The following CD8B variants were observed in gnomAD, a reference collection of about 807,000 sequenced individuals.
CD8B encodes CD8 subunit beta.
Under a neutral mutation model 24.2 loss-of-function variants are expected in CD8B, and 6 were observed. That is an observed-to-expected ratio of 0.25 (90% CI 0.14 to 0.49). The LOEUF (loss-of-function observed/expected upper bound fraction) is 0.49, where lower values mean the gene tolerates loss of function less well. CD8B is among the 20% of genes least tolerant of loss of function. The pLI is 0.98. For synonymous variants in CD8B, 84 were observed against 108.3 expected (o/e 0.78, Z 1.39); for missense variants, 196 against 271.3 (o/e 0.72, Z 1.95).
intron 4 of CD8B, among the ~76,000 whole-genome samples, chr2:86,845,686 T>C (rs1267170359): frequency 6.6e-6 from 1 of 152,352 alleles, no homozygotes; most frequent in African/African-American, 2.4e-5. Flanking sequence ...ATTAGCTGTA[T>C]TCGCTTATTT....
chr2:86,844,807 C>T (rs970338870), intron 5 of CD8B, 115 bp downstream of exon 5: 140 of 1,544,128 alleles, frequency 9.1e-5, no homozygotes, highest in Non-Finnish European at 1.1e-4. Context: ...TATGCCCGGC[C>T]GAGTCTATGA....
At chr2:86,818,543 T>G (rs1412039570) in intron 5 of CD8B, among the ~76,000 whole-genome samples, 3 of 152,192 alleles carry the variant, frequency 2.0e-5, no homozygotes, top group Non-Finnish European at 4.4e-5. Flanking sequence ...AATCAGTTAT[T>G]TTTGATGTTA....
intron 1 of CD8B, among the ~76,000 whole-genome samples, chr2:86,860,111 A>C (rs1676491903): frequency 6.6e-6 from 1 of 152,148 alleles, no homozygotes; most frequent in African/African-American, 2.4e-5. Flanking sequence ...CTCTACTAAG[A>C]ATACAAAAAT....
downstream of CD8B, among the ~76,000 whole-genome samples, chr2:86,835,571 C>T (rs886467202): frequency 1.5e-4 from 23 of 151,534 alleles, no homozygotes; most frequent in Non-Finnish European, 2.8e-4. Flanking sequence ...TCTGGTCTTG[C>T]CCAGACAGCA....
At chr2:86,823,540 A>C (rs1203576348) in intron 5 of CD8B, among the ~76,000 whole-genome samples, 1 of 152,150 alleles carries the variant, frequency 6.6e-6, no homozygotes, top group Non-Finnish European at 1.5e-5. Flanking sequence ...TCAGCCTTTC[A>C]AAGTGCTGAG....
In CD8B at chr2:86,853,132, C is replaced by T. The variant is rs769417389; in HGVS notation, c.404-46G>A. On this transcript the variant is annotated intron_variant, in intron 2 of 5. Coordinates refer to ENST00000390655, the MANE Select transcript of CD8B (RefSeq NM_004931.5). Reference sequence around the variant, plus strand: ...ACATATCTTAGCCAAGTGAACACCACGTGGACTCAAAGACAAAACTTTGTC... The same window carrying T: ...ACATATCTTAGCCAAGTGAACACCATGTGGACTCAAAGACAAAACTTTGTC... The T allele has an allele frequency of 8.8e-5, 136 of 1,547,928 alleles. No homozygotes were observed. In the South Asian group the frequency reaches 1.3e-3, roughly 14 times the overall value.
intron 5 of CD8B, among the ~76,000 whole-genome samples, chr2:86,818,460 C>T (rs1013664623): frequency 6.6e-6 from 1 of 152,156 alleles, no homozygotes; most frequent in Non-Finnish European, 1.5e-5. Context: ...CTTTGTGCCT[C>T]TGGATCACCT....
rs1307084864 is a variant in CD8B, at chr2:86,839,962, T to C, written c.*2345A>G. On this transcript the variant is annotated 3_prime_UTR_variant, in exon 6 of 6. Coordinates refer to ENST00000390655, the MANE Select transcript of CD8B (RefSeq NM_004931.5). ...ATTCTTTCACCCCTCCCCTCAGCCTTGGAAGGCAGCCTGTCCCTTGTCCTC... is the reference window on the plus strand; with the variant it reads ...ATTCTTTCACCCCTCCCCTCAGCCTCGGAAGGCAGCCTGTCCCTTGTCCTC... Among the ~76,000 whole-genome samples, 3 of 152,200 alleles carry C rather than the reference T, an allele frequency of 2.0e-5. No homozygotes were observed. Among genetic ancestry groups the C allele is most frequent in the Non-Finnish European group, 4.4e-5 (3 of 68,020 alleles).
chr2:86,848,164 C>A (rs1452993074), intron 3 of CD8B, among the ~76,000 whole-genome samples: 2 of 152,212 alleles, frequency 1.3e-5, no homozygotes, highest in African/African-American at 2.4e-5. Flanking sequence ...AAACCACAGA[C>A]TTTGCCCATT....
At position 86,858,161 on chromosome 2, in the gene CD8B, A is replaced by T; in HGVS notation, c.299T>A (p.Ile100Asn). 1 of 1,613,974 alleles carries T rather than the reference A, an allele frequency of 6.2e-7. No individual in the cohort carries two copies. The highest frequency in any genetic ancestry group is 2.2e-5 in the East Asian group (1 of 44,882). The change falls in exon 2 of 6, where the codon ATT (isoleucine) becomes AAT (asparagine). Residue 100 changes from isoleucine (I) to asparagine (N), a missense_variant. Physicochemically the swap from Ile to Asn is moderately radical, Grantham distance 149 (BLOSUM62 -3). Coordinates refer to ENST00000390655, the MANE Select transcript of CD8B (RefSeq NM_004931.5). Reference sequence around the variant, plus strand: ...CGGCTTCACGCTTGTGAGATTGAGAATGAACCGGCTTGCATCCCGAAACAC... The same window carrying T: ...CGGCTTCACGCTTGTGAGATTGAGATTGAACCGGCTTGCATCCCGAAACAC... ...IAVFRDASRF[I>N]LNLTSVKPED... is the part of the protein sequence containing the mutation.
At chr2:86,826,674 C>T (rs1183356283) in intron 5 of CD8B, among the ~76,000 whole-genome samples, 2 of 152,132 alleles carry the variant, frequency 1.3e-5, no homozygotes, top group East Asian at 1.9e-4. Context: ...AGAAGTAGAA[C>T]AGGTTCAAGG....
Position 86,859,108 on chromosome 2 carries a change from G to A in CD8B, c.44-692C>T, listed in dbSNP as rs553135555. Among the ~76,000 whole-genome samples, 70 of 152,126 alleles carry A rather than the reference G, an allele frequency of 4.6e-4. 1 individual carries two copies. The highest frequency in any genetic ancestry group is 6.8e-3 in the Middle Eastern group (2 of 294). ...GCCCTTCGGTAGGCTCCAAACTGCC[G>A]AAGGAGACCCAGGACAGGCTGGGAG... is the stretch of plus-strand genomic sequence containing the variant. On this transcript the variant is annotated intron_variant, in intron 1 of 5. Coordinates refer to ENST00000390655, the MANE Select transcript of CD8B (RefSeq NM_004931.5).
At chr2:86,837,440 G>A (rs1675220727), downstream of CD8B, among the ~76,000 whole-genome samples, 1 of 152,134 alleles carries the variant, frequency 6.6e-6, no homozygotes, top group East Asian at 1.9e-4. Flanking sequence ...GTAACTGGGA[G>A]GACTCCAGGA....
rs779524372 is a variant in CD8B, at chr2:86,846,759, G to C, written c.508C>G (p.Pro170Ala). 2.7e-5 allele frequency: 42 copies of C among 1,579,576 alleles called. No individual in the cohort carries two copies. In the Admixed American group the frequency reaches 3.8e-4, roughly 14 times the overall value. The change falls in exon 4 of 6, where the codon CCC (proline) becomes GCC (alanine). Residue 170 changes from proline (P) to alanine (A), a missense_variant. Coordinates refer to ENST00000390655, the MANE Select transcript of CD8B (RefSeq NM_004931.5). The stretch of plus-strand genomic sequence containing the variant: ...GCCACCAGCAGGCCAAGGGTGATGG[G>C]GCTACAAAGTGGGCCTGGAAAACAC... ...PETQKGPLCS[P>A]ITLGLLVAGV...
chr2:86,838,685 A>C lies in CD8B; in HGVS notation c.*3622T>G, dbSNP rs1474951099. Among the ~76,000 whole-genome samples, 1 of 152,148 alleles carries C rather than the reference A, an allele frequency of 6.6e-6. No homozygotes were observed. Among genetic ancestry groups the C allele is most frequent in the African/African-American group, 2.4e-5 (1 of 41,430 alleles). On this transcript the variant is annotated 3_prime_UTR_variant, in exon 6 of 6. Transcript: ENST00000390655. ...AGAAAAAAATTTAAAAATTTTTTGT[A>C]GAGTCGAGGTCTTGCTATGTTGCCT...
intron 5 of CD8B, among the ~76,000 whole-genome samples, chr2:86,830,076 T>C (rs1674847646): frequency 6.6e-6 from 1 of 152,198 alleles, no homozygotes; most frequent in South Asian, 2.1e-4. Flanking sequence ...TGTTTTTCTT[T>C]TTTTTGAGAC....
At chr2:86,854,442 A>G (rs2104572620) in intron 2 of CD8B, among the ~76,000 whole-genome samples, 1 of 152,310 alleles carries the variant, frequency 6.6e-6, no homozygotes, top group East Asian at 1.9e-4. Context: ...TCAGTCTCAA[A>G]CTTTAATTTC....
In CD8B at chr2:86,858,484, A is replaced by C; in HGVS notation, c.44-68T>G. ...CACAGCTGTGGGACCTTGCAGTCAC[A>C]CTGAGTCAAGTGTCAAAGGAAAAGC... is the stretch of plus-strand genomic sequence containing the variant. On this transcript the variant is annotated intron_variant, in intron 1 of 5. Coordinates refer to ENST00000390655, the MANE Select transcript of CD8B (RefSeq NM_004931.5). 11 of 1,506,406 alleles carry C rather than the reference A, an allele frequency of 7.3e-6. No individual in the cohort carries two copies. The South Asian group carries it at 1.3e-4, about 18-fold the overall frequency. 93.3% of individuals were successfully genotyped at this position (1,506,406 alleles called of 1,614,324 possible). A position where few individuals can be genotyped will look rare whatever the true frequency, so the allele number is the denominator to read the frequency against.
At chr2:86,855,132 T>G (rs115801309) in intron 2 of CD8B, among the ~76,000 whole-genome samples, 13 of 150,280 alleles carry the variant, frequency 8.7e-5, no homozygotes, top group South Asian at 4.2e-4. Context: ...AAAAAAAGGT[T>G]TTGGGGGGTT....
Sources: gnomAD v4.1 joint callset for allele counts (sites outside exome capture counted in the v4.1 genomes callset) on GRCh38, gnomAD v4.1.1 for gene constraint, MANE v1.5 for transcripts, NCBI Gene and HGNC (gene_info 2026-07-23, HGNC 2026-07-21) for gene names.